Variants in TMEM132D observed in about 807,000 individuals in gnomAD.
TMEM132D encodes transmembrane protein 132D.
TMEM132D carries 21 observed loss-of-function variants against 62.3 expected under a neutral mutation model. The ratio of observed to expected loss-of-function variants is 0.34; its 90% CI spans 0.24 to 0.49. The LOEUF (loss-of-function observed/expected upper bound fraction) is 0.49. TMEM132D is among the 20% of genes least tolerant of loss of function. TMEM132D has a pLI of 0.99. For synonymous variants in TMEM132D, 621 were observed against 575.6 expected, an observed-to-expected ratio of 1.08 and a Z score of -1.13; for missense variants, 1,346 against 1,402.8, an observed-to-expected ratio of 0.96 and a Z score of 0.65.
chr12:129,657,917 T>C (rs1880134540), intron 2 of TMEM132D, among the ~76,000 whole-genome samples: 1 of 152,236 alleles, frequency 6.6e-6, no homozygotes, highest in Non-Finnish European at 1.5e-5. Context: ...AATCATGACA[T>C]TGCCATTGTG....
intron 1 of TMEM132D, among the ~76,000 whole-genome samples, chr12:129,724,321 T>A (rs893219417): frequency 3.9e-5 from 6 of 152,082 alleles, no homozygotes; most frequent in African/African-American, 1.4e-4. Context: ...GTACTGAAGA[T>A]GGAAGAAAGA....
chr12:129,105,700 A>T (rs1008216931), intron 5 of TMEM132D, among the ~76,000 whole-genome samples: 1 of 151,332 alleles, frequency 6.6e-6, no homozygotes, highest in Non-Finnish European at 1.5e-5. Flanking sequence ...AGAAATGCAA[A>T]TCAAAACCAC....
intron 2 of TMEM132D, among the ~76,000 whole-genome samples, chr12:129,651,089 G>A (rs1565936899): frequency 6.6e-6 from 1 of 152,022 alleles, no homozygotes; most frequent in African/African-American, 2.4e-5. Context: ...GCTTTGACTA[G>A]TTGCTGTATT....
chr12:129,142,701 A>G (rs961704660), intron 5 of TMEM132D, among the ~76,000 whole-genome samples: 1 of 152,214 alleles, frequency 6.6e-6, no homozygotes, highest in African/African-American at 2.4e-5. Context: ...AAGAGACAAA[A>G]TACAGGTAGT....
intron 3 of TMEM132D, among the ~76,000 whole-genome samples, chr12:129,475,854 A>C (rs1490875425): frequency 1.3e-5 from 2 of 152,204 alleles, no homozygotes; most frequent in Non-Finnish European, 2.9e-5. Flanking sequence ...CTTTTGAAAA[A>C]GTTCTAGACA....
intron 3 of TMEM132D, among the ~76,000 whole-genome samples, chr12:129,516,148 C>G (rs955973027): frequency 6.6e-6 from 1 of 152,150 alleles, no homozygotes; most frequent in Admixed American, 6.5e-5. Context: ...GACAATTGCA[C>G]AGCTGATTGG....
intron 5 of TMEM132D, among the ~76,000 whole-genome samples, chr12:129,152,620 G>A (rs1203597622): frequency 6.6e-6 from 1 of 152,160 alleles, no homozygotes; most frequent in African/African-American, 2.4e-5. Context: ...ACTAGATGGG[G>A]AGAGAGGTCT....
intron 3 of TMEM132D, among the ~76,000 whole-genome samples, chr12:129,472,285 G>A (rs1874114930): frequency 6.6e-6 from 1 of 152,114 alleles, no homozygotes. Flanking sequence ...TCCTTTGCAG[G>A]GACTTGGATG....
At chr12:129,754,907 T>C (rs781409918) in intron 1 of TMEM132D, among the ~76,000 whole-genome samples, 1 of 152,140 alleles carries the variant, frequency 6.6e-6, no homozygotes, top group Non-Finnish European at 1.5e-5. Context: ...CAGAAATGGG[T>C]TTGGAAAAGG....
intron 3 of TMEM132D, among the ~76,000 whole-genome samples, chr12:129,472,844 T>C (rs1315205243): frequency 1.3e-5 from 2 of 152,146 alleles, no homozygotes; most frequent in Non-Finnish European, 2.9e-5. Flanking sequence ...TCAATCAATG[T>C]AGGACACTTC....
intron 5 of TMEM132D, among the ~76,000 whole-genome samples, chr12:129,103,697 T>C (rs1875390938): frequency 6.6e-6 from 1 of 152,186 alleles, no homozygotes; most frequent in South Asian, 2.1e-4. Context: ...TAACCATCTT[T>C]ATGCTAAAAT....
chr12:129,573,357 C>T (rs549139991), intron 2 of TMEM132D, among the ~76,000 whole-genome samples: 11 of 152,128 alleles, frequency 7.2e-5, no homozygotes, highest in Non-Finnish European at 1.3e-4. Context: ...AAGAGGGAGG[C>T]TTGATGCATC....
At position 129,904,011 on chromosome 12, in the gene TMEM132D, C is replaced by A. The variant is rs1196700164; in HGVS notation, c.-672G>T. 6.7e-6 allele frequency among the ~76,000 whole-genome samples: 1 copy of A among 149,874 alleles called. No homozygotes were observed. Among genetic ancestry groups the A allele is most frequent in the Non-Finnish European group, 1.5e-5 (1 of 67,166 alleles). On this transcript the variant is annotated 5_prime_UTR_variant, in exon 1 of 9. Coordinates refer to ENST00000422113, the MANE Select transcript of TMEM132D (RefSeq NM_133448.3). ...CGGCTGGGGCTCGCGGGGCTCTACG[C>A]GCGCCGAGCGCACTGCAGGCTCCGG...
intron 5 of TMEM132D, among the ~76,000 whole-genome samples, chr12:129,158,328 C>T (rs1247170969): frequency 6.6e-6 from 1 of 152,000 alleles, no homozygotes; most frequent in Non-Finnish European, 1.5e-5. Flanking sequence ...AGGGAGAAAT[C>T]AAGAAGGACT....
At chr12:129,549,115 G>C (rs1005519131) in intron 2 of TMEM132D, among the ~76,000 whole-genome samples, 13 of 151,790 alleles carry the variant, frequency 8.6e-5, no homozygotes, top group Non-Finnish European at 1.5e-4. Flanking sequence ...TCCCTGTGTT[G>C]TGGGAGGGAC....
At chr12:129,843,861 G>A (rs978290013) in intron 1 of TMEM132D, among the ~76,000 whole-genome samples, 1 of 152,060 alleles carries the variant, frequency 6.6e-6, no homozygotes, top group Non-Finnish European at 1.5e-5. Context: ...GGCCGAGGTG[G>A]GGGGATTGCT....
At chr12:129,870,918 G>A (rs1346425075) in intron 1 of TMEM132D, among the ~76,000 whole-genome samples, 1 of 152,150 alleles carries the variant, frequency 6.6e-6, no homozygotes, top group Non-Finnish European at 1.5e-5. Flanking sequence ...TAGGTGGTCA[G>A]TGTCAGAATT....
chr12:129,417,157 G>A (rs1233330199), intron 3 of TMEM132D, among the ~76,000 whole-genome samples: 6 of 152,022 alleles, frequency 3.9e-5, no homozygotes, highest in South Asian at 4.1e-4. Flanking sequence ...GGTAGAATTC[G>A]GCTGTGAATC....
chr12:129,739,475 TTC>T (rs1274153486), intron 1 of TMEM132D, among the ~76,000 whole-genome samples: 7 of 152,190 alleles, frequency 4.6e-5, no homozygotes, highest in Non-Finnish European at 1.0e-4. Context: ...TCAGCTTCTC[TTC>T]TGTCTCTCTC....
Sources: gnomAD v4.1 joint callset for allele counts (sites outside exome capture counted in the v4.1 genomes callset) on GRCh38, gnomAD v4.1.1 for gene constraint, MANE v1.5 for transcripts, NCBI Gene and HGNC (gene_info 2026-07-23, HGNC 2026-07-21) for gene names.